Variants in SKAP1 observed in about 807,000 individuals in gnomAD.
The protein encoded by SKAP1 is src kinase-associated phosphoprotein 1.
SKAP1 carries 44 observed loss-of-function variants against 58.5 expected under a neutral mutation model. The observed-to-expected ratio is 0.75, with a 90% confidence interval of 0.59 to 0.97. The LOEUF (loss-of-function observed/expected upper bound fraction) is 0.97, where lower values mean the gene tolerates loss of function less well. Ranked by LOEUF, SKAP1 falls within the 50% of genes least tolerant of loss-of-function variation. The pLI, the probability that SKAP1 is intolerant of heterozygous loss-of-function variation, is 0.00. For synonymous variants in SKAP1, 127 were observed against 149.7 expected (o/e 0.85, Z 1.11); for missense variants, 390 against 435.2 (o/e 0.90, Z 0.92).
At chr17:48,411,908 TATCCTGGATGGG>T (rs2067670544) in intron 1 of SKAP1, among the ~76,000 whole-genome samples, 2 of 152,180 alleles carry the variant, frequency 1.3e-5, no homozygotes, top group Admixed American at 1.3e-4. Context: ...CTAAACGAGG[TATCCTGGATGGG>T]ATCCTGGAAC....
chr17:48,244,489 A>G (rs1013205278), intron 4 of SKAP1, among the ~76,000 whole-genome samples: 1 of 151,964 alleles, frequency 6.6e-6, no homozygotes, highest in African/African-American at 2.4e-5. Context: ...AGTCAGCTTC[A>G]TCTTTATCTT....
At chr17:48,283,051 A>C (rs1042613922) in intron 4 of SKAP1, among the ~76,000 whole-genome samples, 25 of 152,226 alleles carry the variant, frequency 1.6e-4, no homozygotes, top group African/African-American at 5.8e-4. Context: ...CTTATTTCAG[A>C]GACAGAATAT....
At chr17:48,224,190 A>G (rs931528997) in intron 4 of SKAP1, among the ~76,000 whole-genome samples, 2 of 152,122 alleles carry the variant, frequency 1.3e-5, no homozygotes, top group Non-Finnish European at 2.9e-5. Context: ...AGCCAACAGT[A>G]ACTTGACTGA....
chr17:48,147,524 G>A (rs2063846193), intron 11 of SKAP1, among the ~76,000 whole-genome samples: 1 of 152,098 alleles, frequency 6.6e-6, no homozygotes, highest in South Asian at 2.1e-4. Context: ...TCTAACTGCC[G>A]AGAAAAACAA....
intron 1 of SKAP1, among the ~76,000 whole-genome samples, chr17:48,427,468 G>T (rs906824656): frequency 6.6e-6 from 1 of 152,016 alleles, no homozygotes; most frequent in African/African-American, 2.4e-5. Flanking sequence ...TTCAGTGACA[G>T]ATTTTTAGAA....
chr17:48,416,696 T>C (rs1348519046), intron 1 of SKAP1, among the ~76,000 whole-genome samples: 1 of 152,216 alleles, frequency 6.6e-6, no homozygotes, highest in Non-Finnish European at 1.5e-5. Flanking sequence ...TCTCGTTAAG[T>C]TACATATTGC....
At chr17:48,384,985 G>A (rs1598639814) in intron 2 of SKAP1, among the ~76,000 whole-genome samples, 1 of 151,924 alleles carries the variant, frequency 6.6e-6, no homozygotes, top group East Asian at 1.9e-4. Context: ...AAGAGGGCAG[G>A]GTAGAAAAAT....
chr17:48,425,527 A>G (rs750940176), intron 1 of SKAP1, among the ~76,000 whole-genome samples: 1 of 152,240 alleles, frequency 6.6e-6, no homozygotes, highest in Non-Finnish European at 1.5e-5. Flanking sequence ...GTTATATCTC[A>G]CTTTTCAGAA....
intron 4 of SKAP1, among the ~76,000 whole-genome samples, chr17:48,265,956 T>C (rs906544514): frequency 6.6e-6 from 1 of 152,222 alleles, no homozygotes; most frequent in Non-Finnish European, 1.5e-5. Context: ...GATTTTTCTC[T>C]TTATGAAAAA....
At chr17:48,250,272 GTTTTTTTT>G (rs755523173) in intron 4 of SKAP1, among the ~76,000 whole-genome samples, 34 of 74,036 alleles carry the variant, frequency 4.6e-4, no homozygotes, top group South Asian at 1.5e-3. Flanking sequence ...GCCATAGACA[GTTTTTTTT>G]TTTTTTTTTT....
At chr17:48,209,968 T>C (rs2064851678) in intron 4 of SKAP1, among the ~76,000 whole-genome samples, 1 of 152,230 alleles carries the variant, frequency 6.6e-6, no homozygotes, top group Admixed American at 6.5e-5. Flanking sequence ...TATTCCCTGT[T>C]GAACTACAAA....
At chr17:48,210,120 C>T (rs1009462782) in intron 4 of SKAP1, among the ~76,000 whole-genome samples, 3 of 152,140 alleles carry the variant, frequency 2.0e-5, no homozygotes, top group Non-Finnish European at 2.9e-5. Context: ...TGTACCTATG[C>T]GGTAGACCAC....
At chr17:48,177,146 C>T (rs1158956379) in intron 9 of SKAP1, among the ~76,000 whole-genome samples, 1 of 152,184 alleles carries the variant, frequency 6.6e-6, no homozygotes, top group Non-Finnish European at 1.5e-5. Flanking sequence ...GCAGAAGGTG[C>T]ACTCCACATT....
rs761364739 is a variant in SKAP1 at position 48,345,975 on chromosome 17, A to T, written c.210T>A (p.Asp70Glu). The T allele has an allele frequency of 1.5e-5, 25 of 1,613,682 alleles. No individual in the cohort carries two copies. Among genetic ancestry groups the T allele is most frequent in the Non-Finnish European group, 2.0e-5 (24 of 1,179,766 alleles). ...ACAGGCCAAGAGTCCCGCTGTGATT[A>T]TCATCAGAGCTGTCCTGTCCAATGT... ...GGDIGQDSSDDNHSGTLGLSL... is the reference protein window; with the variant it reads ...GGDIGQDSSDENHSGTLGLSL... The change falls in exon 4 of 13, where the codon GAT becomes GAA. Residue 70 changes from aspartate (D) to glutamate (E), a missense_variant. By Grantham distance (45) the Asp-to-Glu change is conservative. Transcript: ENST00000336915.
At chr17:48,272,621 T>C (rs1395853252) in intron 4 of SKAP1, among the ~76,000 whole-genome samples, 1 of 152,182 alleles carries the variant, frequency 6.6e-6, no homozygotes, top group African/African-American at 2.4e-5. Flanking sequence ...AGCAGTGCGA[T>C]CTCAGCTTAC....
chr17:48,282,351 CT>C (rs148718701), intron 4 of SKAP1, among the ~76,000 whole-genome samples: 12,736 of 152,022 alleles, frequency 0.084, 686 homozygotes, highest in East Asian at 0.2. Context: ...TTTTTTTTAA[CT>C]TTGTACTTTG....
intron 11 of SKAP1, among the ~76,000 whole-genome samples, chr17:48,154,194 C>CAG (rs2063941077): frequency 6.6e-6 from 1 of 152,218 alleles, no homozygotes; most frequent in Non-Finnish European, 1.5e-5. Context: ...TGTGCTGGCG[C>CAG]AGGCCTGCCG....
In SKAP1 at chr17:48,358,891, G is replaced by A. The variant is rs72827845; in HGVS notation, c.178+4898C>T. On this transcript the variant is annotated intron_variant, in intron 3 of 12. Transcript: ENST00000336915. ...GCTTCGAGAATTGATGTAATTTGCC[G>A]TAGCTAACAAAGTTTCTAAGTAGAG... 4.6e-3 allele frequency among the ~76,000 whole-genome samples: 704 copies of A among 152,200 alleles called. 1 individual carries two copies. The highest frequency in any genetic ancestry group is 0.017 in the Middle Eastern group (5 of 294).
chr17:48,289,246 G>A (rs570233085), intron 4 of SKAP1, among the ~76,000 whole-genome samples: 3 of 151,960 alleles, frequency 2.0e-5, no homozygotes, highest in African/African-American at 4.8e-5. Context: ...AAATACTCAT[G>A]CTTATGAGTA....
Sources: allele counts gnomAD v4.1 joint callset (sites outside exome capture counted in the v4.1 genomes callset), GRCh38; gene constraint gnomAD v4.1.1; transcripts MANE v1.5; gene names NCBI Gene and HGNC (gene_info 2026-07-23, HGNC 2026-07-21).